STX8: variants seen among roughly 807,000 people sequenced by gnomAD.
STX8 encodes syntaxin 8, also known as syntaxin-8.
Under a neutral mutation model 37.5 loss-of-function variants are expected in STX8, and 23 were observed. The observed-to-expected ratio is 0.61, with a 90% confidence interval of 0.44 to 0.87. The LOEUF (loss-of-function observed/expected upper bound fraction) is 0.87. Among genes scored for constraint, STX8 ranks in the 40% least tolerant of loss-of-function variants. STX8 has a pLI of 0.00. For missense variants in STX8, 313 were observed against 284.7 expected, an observed-to-expected ratio of 1.10 and a Z score of -0.71; for synonymous variants, 115 against 99.1, an observed-to-expected ratio of 1.16 and a Z score of -0.95.
intron 7 of STX8, chr17:9,378,292 C>G (rs1416508413): frequency 5.4e-6 from 2 of 370,922 alleles, no homozygotes; most frequent in African/African-American, 4.1e-5. Flanking sequence ...AACCATTAAT[C>G]TCTGTAAACA....
chr17:9,524,570 T>G (rs1311544834), intron 4 of STX8, among the ~76,000 whole-genome samples: 1 of 152,120 alleles, frequency 6.6e-6, no homozygotes, highest in Non-Finnish European at 1.5e-5. Flanking sequence ...ATATGAATCT[T>G]GGGAGGACAC....
intron 7 of STX8, among the ~76,000 whole-genome samples, chr17:9,324,113 C>CTCTCTCTCTCTCTG (rs1909670471): frequency 7.6e-6 from 1 of 131,432 alleles, no homozygotes; most frequent in African/African-American, 2.9e-5. Flanking sequence ...CTCTCTGTCT[C>CTCTCTCTCTCTCTG]TCTCTCTCTC....
At chr17:9,353,875 C>T (rs1018337267) in intron 7 of STX8, among the ~76,000 whole-genome samples, 1 of 152,066 alleles carries the variant, frequency 6.6e-6, no homozygotes, top group Non-Finnish European at 1.5e-5. Flanking sequence ...AAAATTTTAA[C>T]AACTATTTTA....
At chr17:9,432,053 A>G (rs1241993200) in intron 6 of STX8, among the ~76,000 whole-genome samples, 1 of 152,238 alleles carries the variant, frequency 6.6e-6, no homozygotes, top group African/African-American at 2.4e-5. Flanking sequence ...TTTTAAGTTA[A>G]AAAGAAGTAT....
chr17:9,448,453 G>C (rs1295356337), intron 6 of STX8, among the ~76,000 whole-genome samples: 1 of 152,168 alleles, frequency 6.6e-6, no homozygotes, highest in Non-Finnish European at 1.5e-5. Flanking sequence ...TTCTGTTGTT[G>C]CTTGTTGTGA....
rs544852195 is a variant in STX8, at chr17:9,518,704, TA to T, written c.324-13543del. 1.2e-4 allele frequency among the ~76,000 whole-genome samples: 18 copies of T among 151,894 alleles called. No homozygotes were observed. The South Asian group carries it at 2.5e-3, about 21-fold the overall frequency. On this transcript the variant is annotated intron_variant, in intron 4 of 7. Coordinates refer to ENST00000306357, the MANE Select transcript of STX8 (RefSeq NM_004853.3). ...CAACATGGTGAAACCCCGTCTCTAC[TA>T]AAAATACAAAAAATTAGCTGGGCGT...
intron 7 of STX8, among the ~76,000 whole-genome samples, chr17:9,269,723 C>A (rs189905080): frequency 6.6e-6 from 1 of 152,200 alleles, no homozygotes; most frequent in African/African-American, 2.4e-5. Context: ...ACATTCCTAA[C>A]GAAATGATCC....
chr17:9,302,937 T>C (rs955825638), intron 7 of STX8, among the ~76,000 whole-genome samples: 3 of 150,108 alleles, frequency 2.0e-5, no homozygotes, highest in Admixed American at 6.7e-5. Flanking sequence ...ACTCACAGAA[T>C]TGGTCACCGA....
In STX8 at chr17:9,329,050, CAAAAAAAAAA is replaced by C. The variant is rs998679728; in HGVS notation, c.643+49492_643+49501del. Among the ~76,000 whole-genome samples the C allele has an allele frequency of 1.9e-3, 54 of 27,994 alleles. No individual in the cohort carries two copies. The South Asian group carries it at 0.036, about 19-fold the overall frequency. The allele number at this position is 27,994 out of a possible 152,430, so 18.4% of individuals were successfully genotyped here. The stretch of plus-strand genomic sequence containing the variant: ...GGGCGACAAGAGCGAGATTCCATCT[CAAAAAAAAAA>C]AAAAAAAAAAAAAAAAAAAAAAAGA... On this transcript the variant is annotated intron_variant, in intron 7 of 7. Coordinates refer to ENST00000306357, the MANE Select transcript of STX8 (RefSeq NM_004853.3).
chr17:9,466,119 C>T (rs1339974720), intron 6 of STX8, among the ~76,000 whole-genome samples: 1 of 151,950 alleles, frequency 6.6e-6, no homozygotes, highest in Non-Finnish European at 1.5e-5. Flanking sequence ...TACAGGTGCA[C>T]GCCACCACAC....
chr17:9,503,019 T>G (rs1904676707), intron 5 of STX8, among the ~76,000 whole-genome samples: 1 of 146,794 alleles, frequency 6.8e-6, no homozygotes, highest in African/African-American at 2.5e-5. Flanking sequence ...GGCAGGAGAA[T>G]TGCTTGAACC....
rs974283934 is a variant in STX8, at chr17:9,277,317, T to C, written c.644-26672A>G. ...AGTTCTCTGGAGCACGGGGTGTGGA[T>C]GGAGGTATAAGAGAAGGGATAGCTG... is the stretch of plus-strand genomic sequence containing the variant. On this transcript the variant is annotated intron_variant, in intron 7 of 7. Transcript: ENST00000306357. Among the ~76,000 whole-genome samples, 3 of 151,962 alleles carry C rather than the reference T, an allele frequency of 2.0e-5. No individual in the cohort carries two copies. The East Asian group carries it at 5.8e-4, about 29-fold the overall frequency.
At chr17:9,390,084 C>T (rs952137825) in intron 6 of STX8, among the ~76,000 whole-genome samples, 2 of 152,218 alleles carry the variant, frequency 1.3e-5, no homozygotes, top group African/African-American at 4.8e-5. Flanking sequence ...ACAGGGAAAG[C>T]TCCTTTGCCT....
intron 7 of STX8, among the ~76,000 whole-genome samples, chr17:9,297,685 C>A (rs1031024110): frequency 6.6e-6 from 1 of 152,116 alleles, no homozygotes; most frequent in Admixed American, 6.5e-5. Context: ...CTGGGCAACA[C>A]GGCAAGACCC....
At chr17:9,364,882 T>C (rs144252894) in intron 7 of STX8, among the ~76,000 whole-genome samples, 188 of 152,336 alleles carry the variant, frequency 1.2e-3, no homozygotes, top group African/African-American at 1.4e-3. Flanking sequence ...TTGCAGTTTA[T>C]ATAAATATGG....
At chr17:9,466,002 C>T (rs1905597137) in intron 6 of STX8, among the ~76,000 whole-genome samples, 1 of 151,884 alleles carries the variant, frequency 6.6e-6, no homozygotes, top group African/African-American at 2.4e-5. Context: ...TGGAGTCTCG[C>T]TCTTGTTGCC....
Position 9,254,821 on chromosome 17 carries a change from A to G in STX8, c.644-4176T>C, listed in dbSNP as rs1187468087. Among the ~76,000 whole-genome samples the G allele has an allele frequency of 7.9e-5, 12 of 152,128 alleles. No homozygotes were observed. The East Asian group carries it at 1.9e-3, about 24-fold the overall frequency. On this transcript the variant is annotated intron_variant, in intron 7 of 7. Transcript: ENST00000306357. ...TACCTAGAACAGAGCCTGGCACAGG[A>G]AAGAGGCACACACACACGCGCACGT...
intron 2 of STX8, among the ~76,000 whole-genome samples, chr17:9,562,432 C>T (rs944557011): frequency 1.3e-5 from 2 of 150,910 alleles, no homozygotes; most frequent in South Asian, 2.1e-4. Context: ...AACTTTCACA[C>T]GACAAAACTA....
chr17:9,453,020 G>A (rs1262747997), intron 6 of STX8, among the ~76,000 whole-genome samples: 1 of 152,026 alleles, frequency 6.6e-6, no homozygotes, highest in Non-Finnish European at 1.5e-5. Context: ...TGGCCAAGCT[G>A]GTCTTGAACT....
Sources: gnomAD v4.1 joint callset for allele counts (sites outside exome capture counted in the v4.1 genomes callset) on GRCh38, gnomAD v4.1.1 for gene constraint, MANE v1.5 for transcripts, NCBI Gene and HGNC (gene_info 2026-07-23, HGNC 2026-07-21) for gene names.